The following NPAS3 variants were observed in gnomAD, a reference collection of about 807,000 sequenced individuals.
NPAS3 encodes neuronal PAS domain-containing protein 3.
NPAS3 carries 14 observed loss-of-function variants against 73.1 expected under a neutral mutation model. The ratio of observed to expected loss-of-function variants is 0.19; its 90% CI spans 0.13 to 0.30. The LOEUF (loss-of-function observed/expected upper bound fraction) is 0.30. NPAS3 is among the 10% of genes least tolerant of loss of function. The pLI is 1.00. For synonymous variants in NPAS3, 620 were observed against 541.5 expected (o/e 1.14, Z -2.01); for missense variants, 1,096 against 1,250.0 (o/e 0.88, Z 1.86).
chr14:32,956,031 G>A (rs1463400088), intron 1 of NPAS3, among the ~76,000 whole-genome samples: 1 of 151,874 alleles, frequency 6.6e-6, no homozygotes, highest in Non-Finnish European at 1.5e-5. Context: ...TAAGCAAGGA[G>A]TAAAGAAAAT....
downstream of NPAS3, chr14:33,802,382 AAAAAAAAAAG>A (rs1157006258): frequency 1.3e-5 from 2 of 148,740 alleles, no homozygotes; most frequent in Admixed American, 6.7e-5. Flanking sequence ...TAAGTAAAAA[AAAAAAAAAAG>A]AAAAAAAAAA....
chr14:33,324,315 A>C (rs2043592399), intron 3 of NPAS3, among the ~76,000 whole-genome samples: 1 of 152,216 alleles, frequency 6.6e-6, no homozygotes, highest in Non-Finnish European at 1.5e-5. Flanking sequence ...ATTACTGCAG[A>C]TTTAAAATGA....
At chr14:33,024,119 T>C (rs1035470935) in intron 1 of NPAS3, among the ~76,000 whole-genome samples, 1 of 147,052 alleles carries the variant, frequency 6.8e-6, no homozygotes, top group African/African-American at 2.6e-5. Context: ...TATATATGTG[T>C]ATATATATGT....
chr14:33,371,797 T>C lies in NPAS3; in HGVS notation c.468+4529T>C, dbSNP rs191103123. Among the ~76,000 whole-genome samples, 65 of 152,320 alleles carry C rather than the reference T, an allele frequency of 4.3e-4. 1 individual carries two copies. The highest frequency in any genetic ancestry group is 2.7e-3 in the Admixed American group (41 of 15,302). The stretch of plus-strand genomic sequence containing the variant: ...CAGCTTAAATATGATGAATTTTTAC[T>C]GTGTACTAAGTTTCAGATACTGTGC... On this transcript the variant is annotated intron_variant, in intron 4 of 11. Coordinates refer to ENST00000356141, the Ensembl canonical transcript of NPAS3.
chr14:33,254,457 T>C (rs1005955247), intron 3 of NPAS3, among the ~76,000 whole-genome samples: 1 of 152,130 alleles, frequency 6.6e-6, no homozygotes, highest in Admixed American at 6.6e-5. Context: ...TAGGGGGTCC[T>C]TCCTTTGTAC....
intron 2 of NPAS3, among the ~76,000 whole-genome samples, chr14:33,211,290 T>C (rs1429951654): frequency 6.6e-6 from 1 of 152,186 alleles, no homozygotes; most frequent in Non-Finnish European, 1.5e-5. Context: ...GAAGAAATTA[T>C]AGACATTAGG....
chr14:32,970,835 C>G (rs1199363748), intron 1 of NPAS3, among the ~76,000 whole-genome samples: 1 of 152,108 alleles, frequency 6.6e-6, no homozygotes, highest in Non-Finnish European at 1.5e-5. Flanking sequence ...TGTAAGAACA[C>G]TGGCCATACT....
intron 4 of NPAS3, among the ~76,000 whole-genome samples, chr14:33,374,710 G>A (rs1164831388): frequency 6.7e-6 from 1 of 149,222 alleles, no homozygotes; most frequent in African/African-American, 2.5e-5. Context: ...GGGGCGGGGG[G>A]GGGAGTAGAG....
chr14:33,522,153 G>A lies in NPAS3; in HGVS notation c.469-37968G>A, dbSNP rs1018874533. Among the ~76,000 whole-genome samples, 5 of 152,060 alleles carry A rather than the reference G, an allele frequency of 3.3e-5. No homozygotes were observed. In the East Asian group the frequency reaches 5.8e-4, roughly 18 times the overall value. On this transcript the variant is annotated intron_variant, in intron 4 of 11. Coordinates refer to ENST00000356141, the Ensembl canonical transcript of NPAS3. ...GTGCTCATATTTGACATAGCTTTGC[G>A]GTAAAAATCCATAAACGTATAGGCA...
At chr14:33,575,833 T>C (rs528506304) in intron 5 of NPAS3, among the ~76,000 whole-genome samples, 1 of 152,274 alleles carries the variant, frequency 6.6e-6, no homozygotes, top group South Asian at 2.1e-4. Flanking sequence ...ATATAGAACA[T>C]GTACATTTAA....
intron 4 of NPAS3, among the ~76,000 whole-genome samples, chr14:33,375,450 C>G (rs1256665396): frequency 6.6e-6 from 1 of 152,130 alleles, no homozygotes; most frequent in Non-Finnish European, 1.5e-5. Context: ...AACTTGGAGG[C>G]ATAATTACTT....
intron 1 of NPAS3, among the ~76,000 whole-genome samples, chr14:32,977,024 A>T (rs1458087557): frequency 6.7e-6 from 1 of 149,378 alleles, no homozygotes; most frequent in Admixed American, 6.9e-5. Context: ...ACCCTTTCCT[A>T]TAAAGTATTA....
At chr14:33,596,219 T>A (rs773998800) in intron 5 of NPAS3, among the ~76,000 whole-genome samples, 2 of 152,204 alleles carry the variant, frequency 1.3e-5, no homozygotes, top group Non-Finnish European at 2.9e-5. Flanking sequence ...ATATTGAAAG[T>A]GCAGTTTGTC....
At chr14:33,312,055 A>G (rs1302001400) in intron 3 of NPAS3, among the ~76,000 whole-genome samples, 3 of 152,144 alleles carry the variant, frequency 2.0e-5, no homozygotes, top group Non-Finnish European at 4.4e-5. Context: ...ACACTAAAGC[A>G]TTTGGTGAGT....
intron 3 of NPAS3, among the ~76,000 whole-genome samples, chr14:33,303,512 T>C (rs2042636215): frequency 6.6e-6 from 1 of 152,200 alleles, no homozygotes; most frequent in African/African-American, 2.4e-5. Flanking sequence ...TAATCAGAGT[T>C]ATTCTATGGT....
At chr14:33,461,939 G>C (rs1210095113) in intron 4 of NPAS3, among the ~76,000 whole-genome samples, 1 of 152,222 alleles carries the variant, frequency 6.6e-6, no homozygotes, top group Non-Finnish European at 1.5e-5. Flanking sequence ...AGAGATTTCA[G>C]TAGAAGTCAA....
chr14:33,459,211 G>A (rs887129748), intron 4 of NPAS3, among the ~76,000 whole-genome samples: 8 of 152,144 alleles, frequency 5.3e-5, no homozygotes, highest in African/African-American at 1.9e-4. Context: ...TCACTGACCT[G>A]TATCTTGTGC....
intron 1 of NPAS3, among the ~76,000 whole-genome samples, chr14:32,996,392 G>A (rs550535428): frequency 6.6e-6 from 1 of 152,280 alleles, no homozygotes; most frequent in African/African-American, 2.4e-5. Context: ...CATAAATAAC[G>A]AGGAACAAAA....
Position 33,335,238 on chromosome 14 carries a change from G to T in NPAS3, c.386-31948G>T, listed in dbSNP as rs557240462. Among the ~76,000 whole-genome samples the T allele has an allele frequency of 5.3e-5, 8 of 152,202 alleles. No homozygotes were observed. The East Asian group carries it at 1.5e-3, about 29-fold the overall frequency. ...ACCTAGAAGTGGGAGAGTCCTTAAA[G>T]AACTAAAAGTAGATTTACCATTTGA... On this transcript the variant is annotated intron_variant, in intron 3 of 11. Coordinates refer to ENST00000356141, the Ensembl canonical transcript of NPAS3.
Sources: gnomAD v4.1 joint callset for allele counts (sites outside exome capture counted in the v4.1 genomes callset) on GRCh38, gnomAD v4.1.1 for gene constraint, MANE v1.5 for transcripts, NCBI Gene and HGNC (gene_info 2026-07-23, HGNC 2026-07-21) for gene names.